The following VWA3B variants were observed in gnomAD, a reference collection of about 807,000 sequenced individuals.
VWA3B encodes the protein von Willebrand factor A domain-containing protein 3B.
A neutral mutation model predicts 158.3 loss-of-function variants in VWA3B; 138 were observed. That is an observed-to-expected ratio of 0.87 (90% CI 0.76 to 1.00). The LOEUF (loss-of-function observed/expected upper bound fraction) is 1.00, where lower values mean the gene tolerates loss of function less well. Among genes scored for constraint, VWA3B ranks in the 50% least tolerant of loss-of-function variants. The probability of loss-of-function intolerance (pLI) is 0.00; values close to 1 mark genes in which losing one functional copy is unlikely to be tolerated. For synonymous variants in VWA3B, 596 were observed against 587.3 expected (o/e 1.01, Z -0.21); for missense variants, 1,555 against 1,565.1 (o/e 0.99, Z 0.11).
intron 19 of VWA3B, among the ~76,000 whole-genome samples, chr2:98,242,529 A>C (rs1686141553): frequency 6.6e-6 from 1 of 151,834 alleles, no homozygotes; most frequent in Non-Finnish European, 1.5e-5. Context: ...GAGAGTCTAC[A>C]TCATCACCCA....
chr2:98,268,375 G>C (rs1215994031), intron 21 of VWA3B, among the ~76,000 whole-genome samples: 1 of 152,096 alleles, frequency 6.6e-6, no homozygotes, highest in South Asian at 2.1e-4. Context: ...GGGATGCAAG[G>C]CTGGTTCAAT....
intron 13 of VWA3B, among the ~76,000 whole-genome samples, chr2:98,216,375 T>A (rs1464553983): frequency 6.6e-6 from 1 of 152,256 alleles, no homozygotes; most frequent in Non-Finnish European, 1.5e-5. Flanking sequence ...TGGGCTGGTC[T>A]GGACTGGAAT....
chr2:98,324,727 T>G, the VWA3B span, among the ~76,000 whole-genome samples: 1 of 152,144 alleles, frequency 6.6e-6, no homozygotes, highest in Non-Finnish European at 1.5e-5. Context: ...TCTCCCAGTT[T>G]CCAAAGAAAA....
chr2:98,207,643 G>A (rs1161819264), intron 12 of VWA3B: 1 of 465,652 alleles, frequency 2.1e-6, no homozygotes, highest in African/African-American at 2.0e-5. Flanking sequence ...AGGTGAACAT[G>A]ACCATCTCTC....
At chr2:98,314,241 G>A (rs913044256), downstream of VWA3B, among the ~76,000 whole-genome samples, 2 of 152,236 alleles carry the variant, frequency 1.3e-5, no homozygotes, top group African/African-American at 2.4e-5. Context: ...CAGGGCTGGT[G>A]AGCAGAGAGC....
chr2:98,192,919 G>C lies in VWA3B; in HGVS notation c.1488G>C (p.Gly496=), dbSNP rs1415026048. Residue 496 remains glycine (G), a synonymous_variant, in exon 11 of 28, where the codon GGG becomes GGC. Transcript: ENST00000477737. ...IRRRIKWLQD[G]SQSLFGRLHN... ...CTAGGATTAAATGGCTACAGGATGG[G>C]AGTCAAAGCCTCTTTGGAAGATTGC... The C allele has an allele frequency of 2.5e-6, 4 of 1,614,186 alleles. No homozygotes were observed. In the South Asian group the frequency reaches 3.3e-5, roughly 13 times the overall value.
chr2:98,269,559 T>C (rs1688072311), intron 21 of VWA3B: 1 of 152,244 alleles, frequency 6.6e-6, no homozygotes, highest in Non-Finnish European at 1.5e-5. Flanking sequence ...CATTCCACTC[T>C]CTTCTCCAAA....
At chr2:98,227,285 C>G (rs1452900794) in intron 14 of VWA3B, among the ~76,000 whole-genome samples, 1 of 152,110 alleles carries the variant, frequency 6.6e-6, no homozygotes, top group Non-Finnish European at 1.5e-5. Flanking sequence ...TGAATGAACT[C>G]CCATTCACAA....
the VWA3B span, among the ~76,000 whole-genome samples, chr2:98,320,387 G>A: frequency 6.6e-6 from 1 of 152,196 alleles, no homozygotes; most frequent in African/African-American, 2.4e-5. Context: ...ATTGGTGCCA[G>A]GAGTGGGGTG....
intron 22 of VWA3B, among the ~76,000 whole-genome samples, chr2:98,282,629 G>C (rs1688951685): frequency 6.6e-6 from 1 of 151,882 alleles, no homozygotes; most frequent in Non-Finnish European, 1.5e-5. Flanking sequence ...AGTAGAGACA[G>C]GGTTTTGCCA....
intron 6 of VWA3B, among the ~76,000 whole-genome samples, chr2:98,129,455 A>T (rs1675682847): frequency 6.6e-6 from 1 of 152,052 alleles, no homozygotes; most frequent in South Asian, 2.1e-4. Context: ...CTGCCCTATG[A>T]CCTCATTTAA....
the VWA3B span, among the ~76,000 whole-genome samples, chr2:98,319,414 G>A: frequency 6.6e-6 from 1 of 152,254 alleles, no homozygotes; most frequent in African/African-American, 2.4e-5. Flanking sequence ...AGCAGACAAA[G>A]GGCTGGAGTC....
intron 22 of VWA3B, 145 bp from the exon 23 acceptor site, chr2:98,290,366 C>A: frequency 3.1e-6 from 2 of 643,396 alleles, no homozygotes; most frequent in Non-Finnish European, 2.7e-6. Flanking sequence ...CCAGGCCCCA[C>A]CTCCAACACT....
At chr2:98,270,103 C>T (rs554331499) in intron 21 of VWA3B, among the ~76,000 whole-genome samples, 3 of 151,800 alleles carry the variant, frequency 2.0e-5, no homozygotes, top group South Asian at 2.1e-4. Context: ...GGAGTCCCAC[C>T]GCCTGCTTAT....
At chr2:98,283,872 C>T (rs1204809358) in intron 22 of VWA3B, among the ~76,000 whole-genome samples, 1 of 152,228 alleles carries the variant, frequency 6.6e-6, no homozygotes, top group Admixed American at 6.5e-5. Context: ...GTGGGCAGCA[C>T]CCAATCCTGT....
chr2:98,205,643 A>T (rs1682952177), intron 12 of VWA3B, among the ~76,000 whole-genome samples: 1 of 152,050 alleles, frequency 6.6e-6, no homozygotes, highest in African/African-American at 2.4e-5. Context: ...TTTTTATTTT[A>T]TTGTAAGTAA....
chr2:98,092,612 C>T (rs962410545), intron 1 of VWA3B, among the ~76,000 whole-genome samples: 21 of 151,878 alleles, frequency 1.4e-4, no homozygotes, highest in Non-Finnish European at 2.2e-4. Context: ...CACTGCACTC[C>T]AGCCTGGGCA....
rs748300287 is a variant in VWA3B at position 98,119,682 on chromosome 2, G to C, written c.461G>C (p.Gly154Ala). ...CTGGATTTTGGCGGCATTCTGGAGG[G>C]GGAGCTTGATCTGTGCCGAGAGGCT... Reference protein sequence around the residue: ...IVLDFGGILEGELDLCREALT... With the variant: ...IVLDFGGILEAELDLCREALT... Residue 154 changes from glycine (G) to alanine (A), a missense_variant, in exon 4 of 28, where the codon GGG becomes GCG. Gly to Ala is a moderately conservative substitution (Grantham distance 60). Transcript: ENST00000477737. 1.9e-6 allele frequency: 3 copies of C among 1,613,988 alleles called. No individual in the cohort carries two copies. Among genetic ancestry groups the C allele is most frequent in the Non-Finnish European group, 1.7e-6 (2 of 1,180,030 alleles).
intron 2 of VWA3B, among the ~76,000 whole-genome samples, chr2:98,105,018 T>G (rs1225775997): frequency 4.6e-5 from 7 of 152,194 alleles, no homozygotes; most frequent in African/African-American, 1.7e-4. Context: ...TTAAAAGTCA[T>G]CTGTTTTTTA....
Sources: gnomAD v4.1 joint callset for allele counts (sites outside exome capture counted in the v4.1 genomes callset) on GRCh38, gnomAD v4.1.1 for gene constraint, MANE v1.5 for transcripts, NCBI Gene and HGNC (gene_info 2026-07-23, HGNC 2026-07-21) for gene names.